The following GPT2 variants were observed in gnomAD, a reference collection of about 807,000 sequenced individuals.
GPT2 encodes the protein alanine aminotransferase 2.
A neutral mutation model predicts 56.9 loss-of-function variants in GPT2; 30 were observed. The ratio of observed to expected loss-of-function variants is 0.53; its 90% CI spans 0.39 to 0.72. The LOEUF is 0.72. Ranked by LOEUF, GPT2 falls within the 30% of genes least tolerant of loss-of-function variation. GPT2 has a pLI of 0.00. For synonymous variants in GPT2, 271 were observed against 283.1 expected (o/e 0.96, Z 0.43); for missense variants, 542 against 703.4 (o/e 0.77, Z 2.60).
intron 4 of GPT2, among the ~76,000 whole-genome samples, chr16:46,905,044 G>T (rs945395848): frequency 6.6e-6 from 1 of 151,478 alleles, no homozygotes. Flanking sequence ...AGAGCTAGGG[G>T]ATTCCAGTTC....
intron 1 of GPT2, 33 bp from the exon 2 acceptor site, chr16:46,884,661 G>C: frequency 7.4e-7 from 1 of 1,357,314 alleles, no homozygotes; most frequent in Non-Finnish European, 9.5e-7. Context: ...GGCAGTGCGC[G>C]ACGTGTTTGT....
intron 11 of GPT2, 22 bp downstream of exon 11, chr16:46,927,059 AG>A (rs1961431671): frequency 6.8e-7 from 1 of 1,471,734 alleles, no homozygotes; most frequent in South Asian, 1.2e-5. Flanking sequence ...TCTCCGCACT[AG>A]GGGCTGGTCC....
intron 8 of GPT2, among the ~76,000 whole-genome samples, chr16:46,919,733 G>T (rs543152882): frequency 1.3e-5 from 2 of 152,226 alleles, no homozygotes; most frequent in African/African-American, 4.8e-5. Context: ...CTTAGCTGGT[G>T]TGTTGCTCCT....
chr16:46,893,684 C>T (rs1960628447), intron 2 of GPT2, among the ~76,000 whole-genome samples: 2 of 152,184 alleles, frequency 1.3e-5, no homozygotes, highest in Non-Finnish European at 2.9e-5. Flanking sequence ...GGTGCCCTCC[C>T]CTGATCCCTG....
intron 4 of GPT2, among the ~76,000 whole-genome samples, chr16:46,902,156 G>A (rs769702841): frequency 6.6e-5 from 10 of 152,204 alleles, no homozygotes; most frequent in African/African-American, 1.4e-4. Context: ...TTGCAACTTC[G>A]TGTGAGCCAG....
At position 46,909,722 on chromosome 16, in the gene GPT2, A is replaced by G. The variant is rs893648509; in HGVS notation, c.615A>G (p.Ser205=). 1.4e-5 allele frequency: 22 copies of G among 1,614,100 alleles called. No homozygotes were observed. Among genetic ancestry groups the G allele is most frequent in the Non-Finnish European group, 1.9e-5 (22 of 1,180,008 alleles). Residue 205 remains serine, a synonymous_variant, in exon 6 of 12, where the codon TCA becomes TCG. Transcript: ENST00000340124. ...TCCTCGTCTCCGGGGGCGGCAAGTC[A>G]CGGACAGGTGTGATGATCCCCATCC... ...LKILVSGGGK[S]RTGVMIPIPQ...
intron 2 of GPT2, among the ~76,000 whole-genome samples, chr16:46,896,057 G>A (rs989109277): frequency 4.6e-5 from 7 of 152,178 alleles, no homozygotes; most frequent in South Asian, 2.1e-4. Context: ...TGCTGAGCCC[G>A]TTTTTCCTCC....
At chr16:46,916,364 AAAAT>A (rs1961162903) in intron 6 of GPT2, 1 of 304,580 alleles carries the variant, frequency 3.3e-6, no homozygotes, top group Non-Finnish European at 6.1e-6. Flanking sequence ...TAAAAAAAAA[AAAAT>A]AAGAGAGCCA....
intron 2 of GPT2, among the ~76,000 whole-genome samples, chr16:46,891,804 T>C (rs1329524084): frequency 1.3e-5 from 2 of 151,970 alleles, no homozygotes; most frequent in Non-Finnish European, 2.9e-5. Flanking sequence ...CTTTTTTTTT[T>C]TCAATGTACA....
chr16:46,888,812 G>A (rs1447047710), intron 2 of GPT2, among the ~76,000 whole-genome samples: 1 of 151,674 alleles, frequency 6.6e-6, no homozygotes, highest in Non-Finnish European at 1.5e-5. Context: ...ACCATGCCCG[G>A]CTAATTTTTA....
rs546942172 is a variant in GPT2, at chr16:46,919,288, C to T, written c.1037+531C>T. 3.3e-5 allele frequency among the ~76,000 whole-genome samples: 5 copies of T among 152,314 alleles called. No homozygotes were observed. The East Asian group carries it at 7.7e-4, about 24-fold the overall frequency. Reference sequence around the variant, plus strand: ...CGAACACCCTCCTGCCGGCACAAAGCGTGGGTTCTAGTGAGGGGGGAGAGC... The same window carrying T: ...CGAACACCCTCCTGCCGGCACAAAGTGTGGGTTCTAGTGAGGGGGGAGAGC... On this transcript the variant is annotated intron_variant, in intron 8 of 11. Coordinates refer to ENST00000340124, the MANE Select transcript of GPT2 (RefSeq NM_133443.4).
At chr16:46,902,651 G>T (rs1252265908) in intron 4 of GPT2, among the ~76,000 whole-genome samples, 1 of 152,078 alleles carries the variant, frequency 6.6e-6, no homozygotes. Flanking sequence ...TTGAAACAGA[G>T]TGTCACTCTG....
Position 46,926,966 on chromosome 16 carries a change from C to T in GPT2, c.1410C>T (p.Leu470=), listed in dbSNP as rs754342001. 1.9e-6 allele frequency: 3 copies of T among 1,608,594 alleles called. No individual in the cohort carries two copies. The highest frequency in any genetic ancestry group is 1.1e-5 in the South Asian group (1 of 90,304). Residue 470 remains leucine, a synonymous_variant, in exon 11 of 12, where the codon CTC becomes CTT. Transcript: ENST00000340124. Reference sequence around the variant, plus strand: ...CAGACATGTTCTACTGCATGAAGCTCCTGGAGGAGACTGGCATCTGTGTCG... The same window carrying T: ...CAGACATGTTCTACTGCATGAAGCTTCTGGAGGAGACTGGCATCTGTGTCG... ...MAPDMFYCMK[L]LEETGICVVP...
chr16:46,884,774 G>T lies in GPT2; in HGVS notation c.59G>T (p.Trp20Leu). 6.7e-7 allele frequency: 1 copy of T among 1,496,934 alleles called. No individual in the cohort carries two copies. The highest frequency in any genetic ancestry group is 8.9e-7 in the Non-Finnish European group (1 of 1,122,968). 92.7% of individuals were successfully genotyped at this position (1,496,934 alleles called of 1,614,324 possible). ...TGTGGTCCCCGGACCCCCAGCTCCT[G>T]GGGCCGCAGCCAGAGCAGCGCGGCC... ...RGCGPRTPSS[W>L]GRSQSSAAAE... The change falls in exon 2 of 12, where the codon TGG becomes TTG. Residue 20 changes from tryptophan to leucine, a missense_variant. Coordinates refer to ENST00000340124, the MANE Select transcript of GPT2 (RefSeq NM_133443.4).
intron 4 of GPT2, among the ~76,000 whole-genome samples, chr16:46,903,536 G>T (rs1307934659): frequency 6.6e-6 from 1 of 152,056 alleles, no homozygotes; most frequent in Non-Finnish European, 1.5e-5. Flanking sequence ...TGAACTCCTG[G>T]GCTCAAGCAA....
intron 5 of GPT2, among the ~76,000 whole-genome samples, chr16:46,907,463 C>T (rs1433303189): frequency 2.6e-5 from 4 of 152,258 alleles, no homozygotes; most frequent in Admixed American, 1.3e-4. Context: ...CCTGGTGGAG[C>T]GGGGGCAGGA....
intron 5 of GPT2, among the ~76,000 whole-genome samples, chr16:46,907,649 C>A (rs1309328460): frequency 6.6e-6 from 1 of 152,164 alleles, no homozygotes; most frequent in African/African-American, 2.4e-5. Context: ...GTCGGAGTTA[C>A]CAGGCGTGGG....
intron 4 of GPT2, among the ~76,000 whole-genome samples, chr16:46,906,204 C>T (rs912514022): frequency 6.6e-6 from 1 of 152,146 alleles, no homozygotes; most frequent in African/African-American, 2.4e-5. Context: ...CTCCAAGTAG[C>T]TGGGACTATA....
In GPT2 at chr16:46,929,131, TG is replaced by T. The variant is rs1372795811; in HGVS notation, c.*136del. The stretch of plus-strand genomic sequence containing the variant: ...GGTCACTTCGTCATCATTTTGCCCC[TG>T]GAGACGTCTTTCTTTGTGCCTTGAT... On this transcript the variant is annotated 3_prime_UTR_variant, in exon 12 of 12. Coordinates refer to ENST00000340124, the MANE Select transcript of GPT2 (RefSeq NM_133443.4). 1.8e-5 allele frequency: 12 copies of T among 670,024 alleles called. No individual in the cohort carries two copies. In the East Asian group the frequency reaches 3.2e-4, roughly 18 times the overall value. The allele number at this position is 670,024 out of a possible 1,614,324, so 41.5% of individuals were successfully genotyped here.
Sources: allele counts gnomAD v4.1 joint callset (sites outside exome capture counted in the v4.1 genomes callset), GRCh38; gene constraint gnomAD v4.1.1; transcripts MANE v1.5; gene names NCBI Gene and HGNC (gene_info 2026-07-23, HGNC 2026-07-21).